TRAF4: variants seen among roughly 807,000 people sequenced by gnomAD.
The protein encoded by TRAF4 is TNF receptor associated factor 4, also known as TNF receptor-associated factor 4.
TRAF4 carries 9 observed loss-of-function variants against 47.3 expected under a neutral mutation model. That is an observed-to-expected ratio of 0.19 (90% CI 0.11 to 0.33). The LOEUF is 0.33. TRAF4 is among the 10% of genes least tolerant of loss of function. The pLI is 1.00. For synonymous variants in TRAF4, 236 were observed against 236.9 expected, an observed-to-expected ratio of 1.00 and a Z score of 0.04; for missense variants, 448 against 620.3, an observed-to-expected ratio of 0.72 and a Z score of 2.95.
At chr17:28,748,209 G>A (rs766731116) in intron 4 of TRAF4, 31 bp downstream of exon 4, 5 of 1,613,034 alleles carry the variant, frequency 3.1e-6, no homozygotes, top group Admixed American at 3.3e-5. Flanking sequence ...TGTGGAGGAG[G>A]GGGTACCTGA....
intron 2 of TRAF4, 94 bp downstream of exon 2, chr17:28,747,358 A>T: frequency 1.4e-6 from 2 of 1,474,678 alleles, no homozygotes; most frequent in Non-Finnish European, 1.8e-6. Flanking sequence ...GCCAGTGTCA[A>T]CCAAAAGCCT....
chr17:28,748,860 C>A, intron 6 of TRAF4, 85 bp from the exon 7 acceptor site: 1 of 1,510,742 alleles, frequency 6.6e-7, no homozygotes. Flanking sequence ...GCCTGCTACC[C>A]TGTACCCACT....
At chr17:28,747,504 G>C (rs1471600198) in intron 2 of TRAF4, 10 of 584,828 alleles carry the variant, frequency 1.7e-5, no homozygotes, top group Non-Finnish European at 3.0e-6. Flanking sequence ...GTGCCCGCAA[G>C]AAGTGTTCCC....
chr17:28,746,907 T>A (rs1039802274), intron 1 of TRAF4: 5 of 324,098 alleles, frequency 1.5e-5, no homozygotes, highest in Non-Finnish European at 2.8e-5. Flanking sequence ...TGCAGCGTGT[T>A]CCTTTCCCAG....
Position 28,750,484 on chromosome 17 carries a change from C to T in TRAF4, c.*907C>T, listed in dbSNP as rs1168881328. On this transcript the variant is annotated 3_prime_UTR_variant, in exon 7 of 7. Coordinates refer to ENST00000262395, the MANE Select transcript of TRAF4 (RefSeq NM_004295.4). ...AGTGAAATACTTTTTAGCACAGTAA[C>T]TGGCTTTGTGGGCTCTAGAGAAGAG... The T allele has an allele frequency of 6.6e-6, 1 of 152,430 alleles. No individual in the cohort carries two copies. The highest frequency in any genetic ancestry group is 2.4e-5 in the African/African-American group (1 of 41,444). The allele number at this position is 152,430 out of a possible 1,614,324, so 9.4% of individuals were successfully genotyped here.
chr17:28,745,468 C>G (rs1567765332), intron 1 of TRAF4: 2 of 152,620 alleles, frequency 1.3e-5, no homozygotes, highest in South Asian at 2.1e-4. Flanking sequence ...CCCGACCCCC[C>G]CACAGCTGAC....
intron 2 of TRAF4, chr17:28,747,522 C>T: frequency 1.7e-6 from 1 of 578,692 alleles, no homozygotes; most frequent in Non-Finnish European, 3.0e-6. Context: ...CCCTCCCCTT[C>T]CGGTGGCAAG....
chr17:28,746,918 TCCAGCTGCCATCCTGGGGGAGGGGGTG>T (rs1179059557), intron 1 of TRAF4: 1 of 349,310 alleles, frequency 2.9e-6, no homozygotes, highest in Admixed American at 4.4e-5. Context: ...CCTTTCCCAG[TCCAGCTGCCATCCTGGGGGAGGGGGTG>T]CCAGCTGCCA....
chr17:28,748,848 GTGCC>G lies in TRAF4; in HGVS notation c.781-93_781-90del. 3 of 1,489,110 alleles carry G rather than the reference GTGCC, an allele frequency of 2.0e-6. No individual in the cohort carries two copies. In the African/African-American group the frequency reaches 4.2e-5, roughly 21 times the overall value. 92.2% of individuals were successfully genotyped at this position (1,489,110 alleles called of 1,614,324 possible). ...CTCTGTCTTCCTCACGTAGAGCTGG[GTGCC>G]TGCTACCCTGTACCCACTCCTCTCC... On this transcript the variant is annotated intron_variant, in intron 6 of 6. Coordinates refer to ENST00000262395, the MANE Select transcript of TRAF4 (RefSeq NM_004295.4).
chr17:28,750,080 A>G lies in TRAF4; in HGVS notation c.*503A>G, dbSNP rs2034580441. ...AATAAATCCGGAATTGTATTTATTAATTTGCTTCCAGCCTGACTTACCTGG... is the reference window on the plus strand; with the variant it reads ...AATAAATCCGGAATTGTATTTATTAGTTTGCTTCCAGCCTGACTTACCTGG... On this transcript the variant is annotated 3_prime_UTR_variant, in exon 7 of 7. Transcript: ENST00000262395. The G allele has an allele frequency of 1.7e-6, 1 of 572,512 alleles. No homozygotes were observed. Among genetic ancestry groups the G allele is most frequent in the African/African-American group, 1.9e-5 (1 of 52,984 alleles). The allele number at this position is 572,512 out of a possible 1,614,324, so 35.5% of individuals were successfully genotyped here.
chr17:28,748,868 A>C, intron 6 of TRAF4, 77 bp from the exon 7 acceptor site: 1 of 1,515,858 alleles, frequency 6.6e-7, no homozygotes. Flanking sequence ...CCCTGTACCC[A>C]CTCCTCTCCT....
At chr17:28,747,972 C>T (rs781294915) in intron 3 of TRAF4, 25 bp downstream of exon 3, 3 of 1,614,146 alleles carry the variant, frequency 1.9e-6, no homozygotes, top group South Asian at 2.2e-5. Flanking sequence ...TGAGGGCTGG[C>T]ACCACCTCTC....
chr17:28,746,333 C>T (rs1443480569), intron 1 of TRAF4, among the ~76,000 whole-genome samples: 1 of 152,192 alleles, frequency 6.6e-6, no homozygotes, highest in Admixed American at 6.5e-5. Context: ...AAGGGCATGT[C>T]GACAGAAAGA....
chr17:28,745,303 C>G (rs1468761409), intron 1 of TRAF4: 1 of 152,596 alleles, frequency 6.6e-6, no homozygotes, highest in Non-Finnish European at 1.5e-5. Flanking sequence ...CAGCCTGGGC[C>G]GGCTCCTGCC....
Position 28,749,683 on chromosome 17 carries a change from A to G in TRAF4, c.*106A>G, listed in dbSNP as rs754583277. 7.1e-5 allele frequency: 110 copies of G among 1,545,908 alleles called. No homozygotes were observed. The highest frequency in any genetic ancestry group is 8.7e-5 in the Non-Finnish European group (99 of 1,143,168). ...CCCCCGTCAGCTGCTTCTGCTGCCT[A>G]GGTTCTGTTACCCCATCCTCCCTCC... On this transcript the variant is annotated 3_prime_UTR_variant, in exon 7 of 7. Transcript: ENST00000262395.
intron 1 of TRAF4, chr17:28,745,173 A>G (rs571979694): frequency 1.3e-5 from 2 of 152,558 alleles, no homozygotes. Context: ...CCTGGCAGGG[A>G]TAGTACCTCT....
rs202144961 is a variant in TRAF4, at chr17:28,748,480, G to T, written c.625-31G>T. 5 of 1,609,926 alleles carry T rather than the reference G, an allele frequency of 3.1e-6. No homozygotes were observed. The East Asian group carries it at 1.1e-4, about 36-fold the overall frequency. On this transcript the variant is annotated intron_variant, in intron 5 of 6. Transcript: ENST00000262395. ...GTAGGTGACAGGTAGTCAGGATATTGACTCCTGCCTCTCTACTTCTGTGGC... is the reference window on the plus strand; with the variant it reads ...GTAGGTGACAGGTAGTCAGGATATTTACTCCTGCCTCTCTACTTCTGTGGC...
In TRAF4 at chr17:28,744,282, G is replaced by GGGGGCGGGGC. The variant is rs780915412; in HGVS notation, c.143+37_143+46dup. 2.6e-6 allele frequency: 4 copies of GGGGGCGGGGC among 1,541,240 alleles called. No homozygotes were observed. The South Asian group carries it at 4.7e-5, about 18-fold the overall frequency. On this transcript the variant is annotated intron_variant, in intron 1 of 6. Transcript: ENST00000262395. The stretch of plus-strand genomic sequence containing the variant: ...TGCTGGCCGGGGAGCAGGGGACAGC[G>GGGGGCGGGGC]GGGGCGGGGCGGGGCGGGGGGCGCC...
intron 2 of TRAF4, 147 bp from the exon 3 acceptor site, chr17:28,747,696 C>T (rs1031742653): frequency 4.2e-5 from 30 of 722,488 alleles, no homozygotes; most frequent in Non-Finnish European, 6.6e-5. Flanking sequence ...CTGCTGTGCC[C>T]TTCATCCCTG....
Sources: gnomAD v4.1 joint callset for allele counts (sites outside exome capture counted in the v4.1 genomes callset) on GRCh38, gnomAD v4.1.1 for gene constraint, MANE v1.5 for transcripts, NCBI Gene and HGNC (gene_info 2026-07-23, HGNC 2026-07-21) for gene names.